KLKB1: variants seen among roughly 807,000 people sequenced by gnomAD.
KLKB1 encodes kallikrein B1, also known as plasma kallikrein.
In KLKB1, 58 loss-of-function variants were observed where a neutral mutation model predicts 73.6. The observed-to-expected ratio is 0.79, with a 90% confidence interval of 0.64 to 0.98. The LOEUF (loss-of-function observed/expected upper bound fraction) is 0.98, where lower values mean the gene tolerates loss of function less well. Ranked by LOEUF, KLKB1 falls within the 50% of genes least tolerant of loss-of-function variation. The pLI is 0.00. For synonymous variants in KLKB1, 280 were observed against 258.1 expected (o/e 1.08, Z -0.81); for missense variants, 737 against 763.8 (o/e 0.96, Z 0.41).
At chr4:186,252,732 AACCACCAATCCC>A (rs1036548031) in intron 11 of KLKB1, among the ~76,000 whole-genome samples, 8 of 62,462 alleles carry the variant, frequency 1.3e-4, no homozygotes, top group African/African-American at 2.5e-4. Flanking sequence ...TCCCGCCACC[AACCACCAATCCC>A]ACCACCAATC....
At position 186,238,332 on chromosome 4, in the gene KLKB1, T is replaced by C. The variant is rs1561454523; in HGVS notation, c.565T>C (p.Phe189Leu). 1 of 1,613,888 alleles carries C rather than the reference T, an allele frequency of 6.2e-7. No homozygotes were observed. The change falls in exon 6 of 15, where the codon TTC (phenylalanine) becomes CTC (leucine). Residue 189 changes from phenylalanine to leucine, a missense_variant. Transcript: ENST00000264690. ...IKVLSNVESG[F>L]SLKPCALSEI... ...GGTGCTGAGTAACGTGGAATCTGGATTCTCACTGAAGCCCTGTGCCCTTTC... is the reference window on the plus strand; with the variant it reads ...GGTGCTGAGTAACGTGGAATCTGGACTCTCACTGAAGCCCTGTGCCCTTTC...
At chr4:186,212,734 A>T (rs565156691) in intron 2 of KLKB1, 16 of 152,354 alleles carry the variant, frequency 1.1e-4, no homozygotes, top group African/African-American at 3.8e-4. Flanking sequence ...TTCAATGGAT[A>T]TCAAAGGAAG....
At chr4:186,229,804 G>T (rs997872375) in intron 2 of KLKB1, among the ~76,000 whole-genome samples, 14 of 152,136 alleles carry the variant, frequency 9.2e-5, no homozygotes, top group Non-Finnish European at 2.1e-4. Flanking sequence ...CTCAGTTTTG[G>T]TCCATGTGGT....
chr4:186,215,072 T>C (rs1212513870), intron 2 of KLKB1, among the ~76,000 whole-genome samples: 1 of 152,222 alleles, frequency 6.6e-6, no homozygotes, highest in African/African-American at 2.4e-5. Flanking sequence ...GATTCCTATA[T>C]AAAAATGTTG....
At chr4:186,223,856 G>T (rs541020539), upstream of KLKB1, among the ~76,000 whole-genome samples, 2 of 152,276 alleles carry the variant, frequency 1.3e-5, no homozygotes, top group East Asian at 1.9e-4. Flanking sequence ...CCAAACAATG[G>T]GGAAATGTCT....
At chr4:186,224,390 C>T (rs7682106), upstream of KLKB1, among the ~76,000 whole-genome samples, 3,664 of 152,320 alleles carry the variant, frequency 0.024, 155 homozygotes, top group African/African-American at 0.084. Flanking sequence ...TGAAGGCAGC[C>T]GTAGGGGCTG....
At position 186,236,808 on chromosome 4, in the gene KLKB1, T is replaced by C; in HGVS notation, c.356T>C (p.Val119Ala). The C allele has an allele frequency of 1.2e-6, 2 of 1,613,286 alleles. No individual in the cohort carries two copies. Among genetic ancestry groups the C allele is most frequent in the Non-Finnish European group, 1.7e-6 (2 of 1,179,742 alleles). The change falls in exon 5 of 15, where the codon GTT (valine) becomes GCT (alanine). Residue 119 changes from valine to alanine, a missense_variant. Transcript: ENST00000264690. ...TGCCATCGAGACATTTATAAAGGAGTTGATATGAGAGGAGTCAATTTTAAT... is the reference window on the plus strand; with the variant it reads ...TGCCATCGAGACATTTATAAAGGAGCTGATATGAGAGGAGTCAATTTTAAT... ...SACHRDIYKG[V>A]DMRGVNFNVS...
chr4:186,228,117 A>T (rs929982872), intron 1 of KLKB1, 78 bp from the exon 2 acceptor site: 14 of 861,390 alleles, frequency 1.6e-5, no homozygotes, highest in Non-Finnish European at 2.7e-5. Flanking sequence ...TTACAAGAAA[A>T]TCTAAATCAC....
chr4:186,240,232 A>T (rs559002577), intron 6 of KLKB1, among the ~76,000 whole-genome samples: 1 of 152,182 alleles, frequency 6.6e-6, no homozygotes, highest in East Asian at 1.9e-4. Flanking sequence ...ATATTGTTAT[A>T]GTTATAGGAC....
At chr4:186,240,729 G>C (rs542525597) in intron 6 of KLKB1, among the ~76,000 whole-genome samples, 2 of 152,288 alleles carry the variant, frequency 1.3e-5, no homozygotes, top group Non-Finnish European at 2.9e-5. Context: ...TCCTCTTTGC[G>C]ACAGCACACC....
intron 7 of KLKB1, chr4:186,251,010 T>C (rs1206126759): frequency 5.4e-5 from 30 of 558,596 alleles, no homozygotes; most frequent in Non-Finnish European, 7.5e-5. Context: ...TCTGTGCCTA[T>C]TAGTTTTCTC....
chr4:186,251,934 A>C, intron 10 of KLKB1, 73 bp downstream of exon 10: 3 of 1,607,084 alleles, frequency 1.9e-6, no homozygotes, highest in Non-Finnish European at 2.6e-6. Flanking sequence ...GTCTTAAGGA[A>C]TTATGTGTCT....
rs574952215 is a variant in KLKB1 at position 186,258,170 on chromosome 4, A to G, written c.1875A>G (p.Thr625=). 8.6e-5 allele frequency: 139 copies of G among 1,614,186 alleles called. No homozygotes were observed. The South Asian group carries it at 1.4e-3, about 17-fold the overall frequency. ...ACATGGACTGGATTTTAGAGAAAAC[A>G]CAGAGCAGTGATGGAAAAGCTCAGA... ...AEYMDWILEK[T]QSSDGKAQMQ... The change falls in exon 15 of 15, where the codon ACA becomes ACG. Residue 625 remains threonine, a synonymous_variant. Transcript: ENST00000264690.
At chr4:186,214,299 G>A (rs762322951) in intron 2 of KLKB1, among the ~76,000 whole-genome samples, 3 of 152,122 alleles carry the variant, frequency 2.0e-5, no homozygotes, top group Non-Finnish European at 4.4e-5. Flanking sequence ...CTCTTCAGTG[G>A]GTCCACCCTA....
Position 186,251,473 on chromosome 4 carries a change from T to G in KLKB1, c.869-14T>G. 2 of 1,612,528 alleles carry G rather than the reference T, an allele frequency of 1.2e-6. No individual in the cohort carries two copies. Among genetic ancestry groups the G allele is most frequent in the Non-Finnish European group, 1.7e-6 (2 of 1,178,596 alleles). On this transcript the variant is annotated splice_polypyrimidine_tract_variant and intron_variant, in intron 8 of 14. Transcript: ENST00000264690. Reference sequence around the variant, plus strand: ...TTCCCATCTGATATCTTTTTGTGTTTATAATTGACACAGAACCCTGCCATT... The same window carrying G: ...TTCCCATCTGATATCTTTTTGTGTTGATAATTGACACAGAACCCTGCCATT...
chr4:186,251,387 G>A, intron 8 of KLKB1, 59 bp downstream of exon 8: 1 of 1,501,856 alleles, frequency 6.7e-7, no homozygotes, highest in Non-Finnish European at 9.3e-7. Context: ...ACTTTTAACA[G>A]CAACAGTGAT....
chr4:186,212,734 A>G (rs565156691), intron 2 of KLKB1: 1 of 152,236 alleles, frequency 6.6e-6, no homozygotes, highest in African/African-American at 2.4e-5. Flanking sequence ...TTCAATGGAT[A>G]TCAAAGGAAG....
At chr4:186,225,479 CAGTGT>C (rs563410459), upstream of KLKB1, among the ~76,000 whole-genome samples, 3,948 of 34,204 alleles carry the variant, frequency 0.12, 81 homozygotes, top group Non-Finnish European at 0.13. Context: ...GGCTGGAGTG[CAGTGT>C]GCAGTGGCGC....
chr4:186,230,976 A>G (rs1055034607), intron 2 of KLKB1, among the ~76,000 whole-genome samples: 4 of 152,212 alleles, frequency 2.6e-5, no homozygotes, highest in African/African-American at 9.6e-5. Flanking sequence ...CTTTCCAAAT[A>G]TAAACCTTAC....
Sources: gnomAD v4.1 joint callset for allele counts (sites outside exome capture counted in the v4.1 genomes callset) on GRCh38, gnomAD v4.1.1 for gene constraint, MANE v1.5 for transcripts, NCBI Gene and HGNC (gene_info 2026-07-23, HGNC 2026-07-21) for gene names.